Variants in TTC4 observed in about 807,000 individuals in gnomAD.
TTC4 encodes the protein hsp70/Hsp90 co-chaperone CNS1 homolog.
In TTC4, 36 loss-of-function variants were observed where a neutral mutation model predicts 51.9. The observed-to-expected ratio is 0.69, with a 90% CI of 0.53 to 0.92. The LOEUF (loss-of-function observed/expected upper bound fraction) is 0.92. TTC4 is among the 40% of genes least tolerant of loss of function. TTC4 has a pLI of 0.00. For missense variants in TTC4, 399 were observed against 454.6 expected (o/e 0.88, Z 1.11); for synonymous variants, 144 against 164.2 (o/e 0.88, Z 0.94).
chr1:54,740,546 C>G (rs558734066), intron 9 of TTC4, among the ~76,000 whole-genome samples: 20 of 152,218 alleles, frequency 1.3e-4, no homozygotes, highest in African/African-American at 4.1e-4. Flanking sequence ...GAAAGCAGAC[C>G]GATGCTTGGA....
At chr1:54,733,603 C>T (rs1645896243) in intron 7 of TTC4, 26 bp from the exon 8 acceptor site, 5 of 1,555,390 alleles carry the variant, frequency 3.2e-6, no homozygotes, top group Non-Finnish European at 4.4e-6. Flanking sequence ...TTATTGATAC[C>T]CAGAAAGTAC....
chr1:54,718,974 C>A (rs1211846860), intron 3 of TTC4, among the ~76,000 whole-genome samples: 1 of 151,558 alleles, frequency 6.6e-6, no homozygotes, highest in Non-Finnish European at 1.5e-5. Context: ...TTTTCTTTTT[C>A]TTTTTTACTC....
intron 5 of TTC4, 60 bp downstream of exon 5, chr1:54,722,859 G>T (rs1458343734): frequency 6.3e-7 from 1 of 1,589,964 alleles, no homozygotes. Flanking sequence ...GCATTCCCAA[G>T]ATTGTGTCTC....
At chr1:54,740,741 A>G (rs941141040) in intron 9 of TTC4, among the ~76,000 whole-genome samples, 1 of 152,042 alleles carries the variant, frequency 6.6e-6, no homozygotes, top group African/African-American at 2.4e-5. Flanking sequence ...CAACACCCCT[A>G]TCCCTGGGAG....
At chr1:54,729,309 C>G (rs1160700799) in intron 6 of TTC4, among the ~76,000 whole-genome samples, 1 of 152,190 alleles carries the variant, frequency 6.6e-6, no homozygotes, top group Non-Finnish European at 1.5e-5. Context: ...GTAACTGAAT[C>G]TGTGGAAAGC....
chr1:54,717,455 A>G, intron 2 of TTC4, 37 bp from the exon 3 acceptor site: 10 of 1,442,518 alleles, frequency 6.9e-6, no homozygotes, highest in Non-Finnish European at 9.1e-6. Flanking sequence ...CCTTTTAAAA[A>G]GTAAGCAATA....
At chr1:54,734,134 C>T (rs999868813) in intron 8 of TTC4, among the ~76,000 whole-genome samples, 17 of 152,062 alleles carry the variant, frequency 1.1e-4, no homozygotes, top group African/African-American at 1.4e-4. Flanking sequence ...TGCAGTGGTG[C>T]GATCTTGGCT....
chr1:54,731,647 G>C lies in TTC4; in HGVS notation c.843G>C (p.Leu281=), dbSNP rs1062700. Residue 281 remains leucine (L), a synonymous_variant, in exon 7 of 10, where the codon CTG becomes CTC. Transcript: ENST00000371281. Reference sequence around the variant, plus strand: ...GGCTGAGCTGGCCTGTGCTCTTTCTGTACCCAGAGTATGCCCAGTCGGACT... The same window carrying C: ...GGCTGAGCTGGCCTGTGCTCTTTCTCTACCCAGAGTATGCCCAGTCGGACT... ...QGRLSWPVLF[L]YPEYAQSDFI... is the part of the protein sequence containing the mutation. 28 of 1,614,046 alleles carry C rather than the reference G, an allele frequency of 1.7e-5. No individual in the cohort carries two copies. The South Asian group carries it at 2.4e-4, about 14-fold the overall frequency.
Position 54,741,509 on chromosome 1 carries a change from G to T in TTC4, c.1160G>T (p.Arg387Leu), listed in dbSNP as rs369466909. ...FLRGRKVYQIR is the reference protein window; with the variant it reads ...FLRGRKVYQIL ...CGGGGGAGAAAGGTGTACCAGATAC[G>T]ATGACTAAGCCAGGGCCCCTGGATC... The change falls in exon 10 of 10, where the codon CGA (arginine) becomes CTA (leucine). Residue 387 changes from arginine to leucine, a missense_variant. Physicochemically the swap from Arg to Leu is moderately radical, Grantham distance 102. Transcript: ENST00000371281. 5.6e-6 allele frequency: 9 copies of T among 1,613,642 alleles called. No individual in the cohort carries two copies. The highest frequency in any genetic ancestry group is 1.3e-5 in the African/African-American group (1 of 74,910).
intron 3 of TTC4, 140 bp from the exon 4 acceptor site, chr1:54,721,023 A>G: frequency 1.4e-6 from 1 of 721,318 alleles, no homozygotes; most frequent in Non-Finnish European, 2.3e-6. Context: ...GACAAGTACA[A>G]CCATATTTTT....
At chr1:54,741,390 C>A (rs1397029496) in intron 9 of TTC4, 21 bp from the exon 10 acceptor site, 1 of 1,594,538 alleles carries the variant, frequency 6.3e-7, no homozygotes, top group Non-Finnish European at 8.6e-7. Context: ...AACACCCTCT[C>A]TTTTGTTGTG....
At chr1:54,736,231 AGG>A (rs1557753043) in intron 8 of TTC4, among the ~76,000 whole-genome samples, 2 of 118,542 alleles carry the variant, frequency 1.7e-5, no homozygotes, top group Non-Finnish European at 3.3e-5. Flanking sequence ...AGAAGAGGAG[AGG>A]AGAGAGAAGA....
At chr1:54,722,554 T>G in intron 4 of TTC4, 121 bp from the exon 5 acceptor site, 1 of 1,412,732 alleles carries the variant, frequency 7.1e-7, no homozygotes, top group Non-Finnish European at 9.6e-7. Flanking sequence ...ATAAGGGGCA[T>G]TATCCTCCAT....
intron 3 of TTC4, among the ~76,000 whole-genome samples, chr1:54,717,944 C>A (rs879458021): frequency 6.6e-6 from 1 of 152,168 alleles, no homozygotes; most frequent in Admixed American, 6.5e-5. Flanking sequence ...GGCTTCTACT[C>A]TCTCAAAAAA....
intron 6 of TTC4, among the ~76,000 whole-genome samples, chr1:54,729,991 G>GA (rs1204992739): frequency 6.6e-6 from 1 of 152,182 alleles, no homozygotes; most frequent in African/African-American, 2.4e-5. Flanking sequence ...ATAGTGCTGG[G>GA]ATTATAGGCG....
chr1:54,734,049 T>A (rs1471146548), intron 8 of TTC4, among the ~76,000 whole-genome samples: 2 of 152,180 alleles, frequency 1.3e-5, no homozygotes. Flanking sequence ...TCATTACATA[T>A]TGTATCATGT....
At chr1:54,732,320 CAAA>C (rs1180940323) in intron 7 of TTC4, among the ~76,000 whole-genome samples, 1 of 16,904 alleles carries the variant, frequency 5.9e-5, no homozygotes, top group Non-Finnish European at 1.0e-4. Context: ...GACTCTGTCT[CAAA>C]AAAAAAAAAA....
At chr1:54,737,852 C>T (rs913200286) in intron 9 of TTC4, among the ~76,000 whole-genome samples, 188 bp downstream of exon 9, 2 of 152,194 alleles carry the variant, frequency 1.3e-5, no homozygotes, top group African/African-American at 4.8e-5. Context: ...AGGAGCAAGT[C>T]ACCTCTTACG....
At chr1:54,740,107 C>T (rs1431700418) in intron 9 of TTC4, among the ~76,000 whole-genome samples, 1 of 152,110 alleles carries the variant, frequency 6.6e-6, no homozygotes, top group Non-Finnish European at 1.5e-5. Flanking sequence ...CCCAGCATTT[C>T]AAGGCTGCAG....
Sources: gnomAD v4.1 joint callset for allele counts (sites outside exome capture counted in the v4.1 genomes callset) on GRCh38, gnomAD v4.1.1 for gene constraint, MANE v1.5 for transcripts, NCBI Gene and HGNC (gene_info 2026-07-23, HGNC 2026-07-21) for gene names.